SORCS2: variants seen among roughly 807,000 people sequenced by gnomAD.
The protein encoded by SORCS2 is sortilin related VPS10 domain containing receptor 2.
A neutral mutation model predicts 141.6 loss-of-function variants in SORCS2; 100 were observed. The observed-to-expected ratio is 0.71, with a 90% confidence interval of 0.60 to 0.83. The LOEUF (loss-of-function observed/expected upper bound fraction) is 0.83, where lower values mean the gene tolerates loss of function less well. Ranked by LOEUF, SORCS2 falls within the 40% of genes least tolerant of loss-of-function variation. The pLI is 0.00. For synonymous variants in SORCS2, 789 were observed against 676.9 expected (o/e 1.17, Z -2.57); for missense variants, 1,646 against 1,560.2 (o/e 1.05, Z -0.93).
chr4:7,617,543 TA>T (rs1226330780), intron 3 of SORCS2, among the ~76,000 whole-genome samples: 2 of 152,076 alleles, frequency 1.3e-5, no homozygotes, highest in Admixed American at 6.5e-5. Context: ...TATCCTGACG[TA>T]GAGTAAGTTC....
chr4:7,696,111 A>G (rs746318748), intron 11 of SORCS2, among the ~76,000 whole-genome samples: 6 of 152,174 alleles, frequency 3.9e-5, no homozygotes, highest in African/African-American at 7.2e-5. Context: ...TTTGAGGACA[A>G]TCCATCTTCT....
intron 12 of SORCS2, among the ~76,000 whole-genome samples, chr4:7,699,151 G>A (rs565826624): frequency 6.6e-6 from 1 of 152,188 alleles, no homozygotes; most frequent in African/African-American, 2.4e-5. Context: ...CTCAGTGTGT[G>A]GGGGAGGCAG....
chr4:7,554,868 T>C (rs1222882781), intron 3 of SORCS2, among the ~76,000 whole-genome samples: 1 of 152,124 alleles, frequency 6.6e-6, no homozygotes, highest in Non-Finnish European at 1.5e-5. Flanking sequence ...TAAAGGCATA[T>C]TGGAACACCT....
intron 14 of SORCS2, among the ~76,000 whole-genome samples, chr4:7,709,943 G>C (rs370867043): frequency 6.6e-6 from 1 of 151,994 alleles, no homozygotes; most frequent in Non-Finnish European, 1.5e-5. Context: ...TTTTTTCCTC[G>C]TTACCTGCAA....
At chr4:7,227,738 A>G (rs1286604735) in intron 1 of SORCS2, among the ~76,000 whole-genome samples, 1 of 152,054 alleles carries the variant, frequency 6.6e-6, no homozygotes, top group African/African-American at 2.4e-5. Context: ...CCCCAGTCCC[A>G]AGAGCAGTGA....
At chr4:7,690,490 T>TGATGGATAGATGCTGAATGGATG (rs1724169083) in intron 11 of SORCS2, among the ~76,000 whole-genome samples, 1 of 150,014 alleles carries the variant, frequency 6.7e-6, no homozygotes, top group South Asian at 2.1e-4. Context: ...GGATGATGGA[T>TGATGGATAGATGCTGAATGGATG]GATGGATAGA....
intron 2 of SORCS2, among the ~76,000 whole-genome samples, chr4:7,475,097 G>T (rs532782895): frequency 3.8e-4 from 58 of 152,316 alleles, no homozygotes; most frequent in Non-Finnish European, 6.2e-4. Flanking sequence ...ATTTGCCAAT[G>T]CCAGGGGTAA....
chr4:7,644,008 T>A (rs1257997563), intron 4 of SORCS2, among the ~76,000 whole-genome samples: 1 of 152,226 alleles, frequency 6.6e-6, no homozygotes, highest in Non-Finnish European at 1.5e-5. Context: ...AATTTTCATC[T>A]GCTGGGGCTC....
At chr4:7,679,230 C>A (rs777088621) in intron 9 of SORCS2, among the ~76,000 whole-genome samples, 5 of 152,140 alleles carry the variant, frequency 3.3e-5, no homozygotes, top group Non-Finnish European at 5.9e-5. Flanking sequence ...GGCAAGACAG[C>A]AAACATTTCC....
In SORCS2 at chr4:7,426,666, G is replaced by A. The variant is rs181910452; in HGVS notation, c.548+30311G>A. Among the ~76,000 whole-genome samples, 162 of 152,150 alleles carry A rather than the reference G, an allele frequency of 1.1e-3. 1 individual carries two copies. The Middle Eastern group carries it at 0.017, about 16-fold the overall frequency. On this transcript the variant is annotated intron_variant, in intron 2 of 26. Transcript: ENST00000507866. Reference sequence around the variant, plus strand: ...CCGGGCCCTGGGGTGTGCTCGATGCGGTCACCTCATTTCCTCCCTGGACAA... The same window carrying A: ...CCGGGCCCTGGGGTGTGCTCGATGCAGTCACCTCATTTCCTCCCTGGACAA...
intron 12 of SORCS2, 150 bp downstream of exon 12, chr4:7,697,424 G>A: frequency 1.4e-6 from 1 of 720,612 alleles, no homozygotes; most frequent in South Asian, 1.9e-5. Flanking sequence ...AGTGGCTGGA[G>A]CCAGGGCTCA....
chr4:7,591,941 T>C, intron 3 of SORCS2, among the ~76,000 whole-genome samples: 1 of 151,980 alleles, frequency 6.6e-6, no homozygotes, highest in Non-Finnish European at 1.5e-5. Flanking sequence ...CTCAAAGGAT[T>C]ATATGGGGCC....
chr4:7,235,172 C>T (rs905006604), intron 1 of SORCS2, among the ~76,000 whole-genome samples: 7 of 152,188 alleles, frequency 4.6e-5, no homozygotes, highest in East Asian at 1.9e-4. Context: ...AGCAGATAGG[C>T]GGGAGGTGGC....
At chr4:7,238,290 T>G (rs898906857) in intron 1 of SORCS2, among the ~76,000 whole-genome samples, 1 of 151,518 alleles carries the variant, frequency 6.6e-6, no homozygotes, top group Non-Finnish European at 1.5e-5. Flanking sequence ...AGAGGGAGTC[T>G]GGGGGGGGTT....
At chr4:7,336,388 G>A (rs1171275048) in intron 1 of SORCS2, among the ~76,000 whole-genome samples, 1 of 152,166 alleles carries the variant, frequency 6.6e-6, no homozygotes, top group African/African-American at 2.4e-5. Context: ...CCAACTCCCC[G>A]GAGGCCCTTG....
chr4:7,707,877 C>A (rs1001242151), intron 14 of SORCS2, among the ~76,000 whole-genome samples: 2 of 152,112 alleles, frequency 1.3e-5, no homozygotes, highest in African/African-American at 4.8e-5. Flanking sequence ...TGAGCTGGGC[C>A]CATCACCCCC....
At chr4:7,547,092 A>C (rs1713319794) in intron 3 of SORCS2, among the ~76,000 whole-genome samples, 1 of 152,104 alleles carries the variant, frequency 6.6e-6, no homozygotes, top group Non-Finnish European at 1.5e-5. Context: ...ACTCATCCCC[A>C]GGCTCTTACA....
At chr4:7,510,603 G>C (rs984684442) in intron 2 of SORCS2, among the ~76,000 whole-genome samples, 2 of 148,256 alleles carry the variant, frequency 1.3e-5, no homozygotes, top group African/African-American at 2.6e-5. Context: ...TTCTGTGCGC[G>C]GCATGTCCAG....
chr4:7,581,217 T>C (rs1716120503), intron 3 of SORCS2, among the ~76,000 whole-genome samples: 1 of 151,172 alleles, frequency 6.6e-6, no homozygotes, highest in African/African-American at 2.4e-5. Flanking sequence ...TAAAACTATG[T>C]ACAGAAAAAT....
Sources: gnomAD v4.1 joint callset for allele counts (sites outside exome capture counted in the v4.1 genomes callset) on GRCh38, gnomAD v4.1.1 for gene constraint, MANE v1.5 for transcripts, NCBI Gene and HGNC (gene_info 2026-07-23, HGNC 2026-07-21) for gene names.